Variants in MICALL1 observed in about 807,000 individuals in gnomAD.
The protein encoded by MICALL1 is MICAL like 1, also known as MICAL-like protein 1.
A neutral mutation model predicts 83.7 loss-of-function variants in MICALL1; 61 were observed. That is an observed-to-expected ratio of 0.73 (90% CI 0.59 to 0.90). The LOEUF is 0.90. Ranked by LOEUF, MICALL1 falls within the 40% of genes least tolerant of loss-of-function variation. MICALL1 has a pLI of 0.00. For missense variants in MICALL1, 1,066 were observed against 1,152.0 expected, an observed-to-expected ratio of 0.93 and a Z score of 1.08; for synonymous variants, 481 against 473.6, an observed-to-expected ratio of 1.02 and a Z score of -0.20.
chr22:37,932,496 G>A lies in MICALL1; in HGVS notation c.2017-57G>A. The stretch of plus-strand genomic sequence containing the variant: ...TGGCCAATGCTGGCCAGAGAAGAGG[G>A]CAAGGCTCCTGGCAGCAACCAGGCA... On this transcript the variant is annotated intron_variant, in intron 10 of 15. Coordinates refer to ENST00000215957, the MANE Select transcript of MICALL1 (RefSeq NM_033386.4). This position sits in a 1 kb window ranked among gnomAD's most constrained non-coding sequence, Gnocchi z 4.4. The A allele has an allele frequency of 6.2e-7, 1 of 1,603,076 alleles. No individual in the cohort carries two copies. The highest frequency in any genetic ancestry group is 1.8e-4 in the Middle Eastern group (1 of 5,654).
intron 1 of MICALL1, among the ~76,000 whole-genome samples, chr22:37,911,660 C>T (rs1170468483): frequency 6.6e-6 from 1 of 152,184 alleles, no homozygotes; most frequent in Non-Finnish European, 1.5e-5. Flanking sequence ...AGCTTGAAAG[C>T]CTGGGCTTGA....
intron 13 of MICALL1, among the ~76,000 whole-genome samples, chr22:37,934,806 C>T (rs1334536615): frequency 1.3e-5 from 2 of 150,970 alleles, no homozygotes; most frequent in Non-Finnish European, 2.9e-5. Flanking sequence ...CCATGTTAGC[C>T]AGGATGGTCT....
rs1317053783 is a variant in MICALL1, at chr22:37,932,207, T to C, written c.2016+274T>C. ...TATCAAGCACTCATGATAACACTGC[T>C]ACTTAAGCTGATTAGAGTGTTCTCA... On this transcript the variant is annotated intron_variant, in intron 10 of 15. Coordinates refer to ENST00000215957, the MANE Select transcript of MICALL1 (RefSeq NM_033386.4). This position sits in a 1 kb window ranked among gnomAD's most constrained non-coding sequence, Gnocchi z 4.4. Among the ~76,000 whole-genome samples the C allele has an allele frequency of 1.3e-5, 2 of 152,278 alleles. No individual in the cohort carries two copies. The highest frequency in any genetic ancestry group is 2.4e-5 in the African/African-American group (1 of 41,476).
In MICALL1 at chr22:37,922,371, C is replaced by T. The variant is rs924507716; in HGVS notation, c.969C>T (p.Ser323=). Residue 323 remains serine (S), a synonymous_variant, in exon 6 of 16, where the codon TCC becomes TCT. Transcript: ENST00000215957. The part of the protein sequence containing the change: ...TPAPPTPRPR[S]SLQQENLVEQ... Reference sequence around the variant, plus strand: ...CACCCCCCACGCCCCGGCCCCGCTCCAGTCTGCAGCAGGAGAACCTGGTGG... The same window carrying T: ...CACCCCCCACGCCCCGGCCCCGCTCTAGTCTGCAGCAGGAGAACCTGGTGG... 40 of 1,533,966 alleles carry T rather than the reference C, an allele frequency of 2.6e-5. No individual in the cohort carries two copies. Among genetic ancestry groups the T allele is most frequent in the Non-Finnish European group, 3.3e-5 (38 of 1,143,038 alleles).
chr22:37,934,240 G>A (rs1226131642), intron 13 of MICALL1, among the ~76,000 whole-genome samples: 1 of 152,216 alleles, frequency 6.6e-6, no homozygotes, highest in Non-Finnish European at 1.5e-5. Context: ...GCTGGTGTAT[G>A]AGGCTCCGAG....
chr22:37,923,093 G>T (rs1268083870), intron 6 of MICALL1, among the ~76,000 whole-genome samples: 2 of 150,742 alleles, frequency 1.3e-5, no homozygotes, highest in East Asian at 3.9e-4. Context: ...CCACAGCCTG[G>T]CTAATTTTTG....
At chr22:37,923,424 C>T (rs573510803) in intron 6 of MICALL1, among the ~76,000 whole-genome samples, 1 of 152,184 alleles carries the variant, frequency 6.6e-6, no homozygotes, top group South Asian at 2.1e-4. Context: ...GATGGGTTTT[C>T]ACCATGTTGG....
In MICALL1 at chr22:37,919,136, G is replaced by C. The variant is rs1330781059; in HGVS notation, c.527G>C (p.Arg176Pro). ...CAGCAGCATGTGCACTTGGTGCAGC[G>C]CTACCTGGCTGACGGCAGGCTGTAC... ...ACQQHVHLVQ[R>P]YLADGRLYHR... Residue 176 changes from arginine to proline, a missense_variant, in exon 5 of 16, where the codon CGC (arginine) becomes CCC (proline). By Grantham distance (103) the Arg-to-Pro change is moderately radical. Coordinates refer to ENST00000215957, the MANE Select transcript of MICALL1 (RefSeq NM_033386.4). The C allele has an allele frequency of 6.5e-7, 1 of 1,549,846 alleles. No homozygotes were observed. Among genetic ancestry groups the C allele is most frequent in the Admixed American group, 2.0e-5 (1 of 51,060 alleles).
chr22:37,928,203 G>A (rs914335573), intron 9 of MICALL1, among the ~76,000 whole-genome samples: 2 of 149,208 alleles, frequency 1.3e-5, no homozygotes, highest in African/African-American at 5.0e-5. Flanking sequence ...ACCATGCTTG[G>A]CCTTCTTTTT....
chr22:37,939,078 T>C (rs1345698464), intron 15 of MICALL1, among the ~76,000 whole-genome samples: 1 of 152,036 alleles, frequency 6.6e-6, no homozygotes, highest in East Asian at 1.9e-4. Flanking sequence ...TTGGTCTTGG[T>C]TTTACCAGTA....
intron 15 of MICALL1, 119 bp from the exon 16 acceptor site, chr22:37,940,590 A>C: frequency 1.6e-6 from 2 of 1,213,516 alleles, no homozygotes; most frequent in Non-Finnish European, 2.3e-6. Flanking sequence ...CCACACAGGA[A>C]GTGGTGGGGC....
In MICALL1 at chr22:37,931,866, C is replaced by T. The variant is rs1166477986; in HGVS notation, c.1949C>T (p.Ala650Val). ...SPAASPATKK[A>V]TKGSKPVRPP... ...GCAGCGTCCCCAGCCACAAAGAAGG[C>T]CACCAAGGGATCCAAGCCAGTGAGG... The change falls in exon 10 of 16, where the codon GCC becomes GTC. Residue 650 changes from alanine to valine, a missense_variant. Ala to Val is a moderately conservative substitution (Grantham distance 64). Transcript: ENST00000215957. The T allele has an allele frequency of 3.7e-6, 6 of 1,614,048 alleles. No individual in the cohort carries two copies. In the South Asian group the frequency reaches 6.6e-5, roughly 18 times the overall value.
intron 15 of MICALL1, among the ~76,000 whole-genome samples, chr22:37,939,696 C>T (rs1437242026): frequency 3.3e-5 from 5 of 151,104 alleles, no homozygotes; most frequent in Non-Finnish European, 7.4e-5. Flanking sequence ...ATCGCCTGAA[C>T]CCAGGTGGCA....
chr22:37,939,917 C>T lies in MICALL1; in HGVS notation c.2471-792C>T, dbSNP rs1044716240. On this transcript the variant is annotated intron_variant, in intron 15 of 15. Transcript: ENST00000215957. The stretch of plus-strand genomic sequence containing the variant: ...CAGCCTGGCCCAACATGGTGTAACC[C>T]CGTCTCTACTAAAAATACAAAAATT... 2.0e-5 allele frequency among the ~76,000 whole-genome samples: 3 copies of T among 151,980 alleles called. No homozygotes were observed. In the South Asian group the frequency reaches 6.2e-4, roughly 32 times the overall value.
Position 37,927,644 on chromosome 22 carries a change from G to A in MICALL1, c.1699G>A (p.Val567Met), listed in dbSNP as rs373880028. The change falls in exon 9 of 16, where the codon GTG becomes ATG. Residue 567 changes from valine to methionine, a missense_variant. Transcript: ENST00000215957. ...NSSLASSGEL[V>M]EPRVEQMPQA... is the part of the protein sequence containing the mutation. The stretch of plus-strand genomic sequence containing the variant: ...CTCCCTGGCCTCCTCTGGGGAACTA[G>A]TGGAGCCTAGAGTGGAACAAATGCC... The A allele has an allele frequency of 2.1e-5, 34 of 1,614,064 alleles. No individual in the cohort carries two copies. Among genetic ancestry groups the A allele is most frequent in the Non-Finnish European group, 2.8e-5 (33 of 1,180,026 alleles).
chr22:37,918,005 A>G (rs1928785382), intron 4 of MICALL1, among the ~76,000 whole-genome samples: 1 of 152,138 alleles, frequency 6.6e-6, no homozygotes, highest in Non-Finnish European at 1.5e-5. Context: ...GTCCCGTTCT[A>G]TGGGCAGGGA....
At chr22:37,931,774 C>G in intron 9 of MICALL1, 25 bp from the exon 10 acceptor site, 1 of 1,613,712 alleles carries the variant, frequency 6.2e-7, no homozygotes, top group Non-Finnish European at 8.5e-7. Flanking sequence ...CAGGCTCACC[C>G]TCTGTCATGT....
Position 37,922,397 on chromosome 22 carries a change from A to T in MICALL1, c.995A>T (p.Glu332Val). ...RSSLQQENLVEQAGSSSLVNG... is the reference protein window; with the variant it reads ...RSSLQQENLVVQAGSSSLVNG... ...AGTCTGCAGCAGGAGAACCTGGTGGAGCAGGCTGGCAGCAGCAGCCTGGTG... is the reference window on the plus strand; with the variant it reads ...AGTCTGCAGCAGGAGAACCTGGTGGTGCAGGCTGGCAGCAGCAGCCTGGTG... Residue 332 changes from glutamate (E) to valine (V), a missense_variant, in exon 6 of 16, where the codon GAG becomes GTG. Coordinates refer to ENST00000215957, the MANE Select transcript of MICALL1 (RefSeq NM_033386.4). 2 of 1,533,360 alleles carry T rather than the reference A, an allele frequency of 1.3e-6. No individual in the cohort carries two copies. Among genetic ancestry groups the T allele is most frequent in the Non-Finnish European group, 1.7e-6 (2 of 1,143,424 alleles). 95.0% of individuals were successfully genotyped at this position (1,533,360 alleles called of 1,614,324 possible). A position where few individuals can be genotyped will look rare whatever the true frequency, so the allele number is the denominator to read the frequency against.
chr22:37,914,260 C>T (rs1928529334), intron 3 of MICALL1, among the ~76,000 whole-genome samples: 1 of 148,724 alleles, frequency 6.7e-6, no homozygotes, highest in Non-Finnish European at 1.5e-5. Context: ...GAGTTTCACT[C>T]TTCTTGCCCA....
Sources: allele counts gnomAD v4.1 joint callset (sites outside exome capture counted in the v4.1 genomes callset), GRCh38; gene constraint gnomAD v4.1.1; non-coding constraint Gnocchi (gnomAD v3.1); transcripts MANE v1.5; gene names NCBI Gene and HGNC (gene_info 2026-07-23, HGNC 2026-07-21).